Variants in UGGT2 observed in about 807,000 individuals in gnomAD.
The protein encoded by UGGT2 is UDP-glucose glycoprotein glucosyltransferase 2.
In UGGT2, 180 loss-of-function variants were observed where a neutral mutation model predicts 192.1. The observed-to-expected ratio is 0.94, with a 90% confidence interval of 0.83 to 1.06. The LOEUF (loss-of-function observed/expected upper bound fraction) is 1.06, where lower values mean the gene tolerates loss of function less well. UGGT2 is among the 50% of genes least tolerant of loss of function. The pLI is 0.00. For synonymous variants in UGGT2, 580 were observed against 591.0 expected (o/e 0.98, Z 0.27); for missense variants, 1,849 against 1,795.7 (o/e 1.03, Z -0.54).
chr13:95,936,550 C>G (rs1423052487), intron 17 of UGGT2, among the ~76,000 whole-genome samples: 1 of 152,238 alleles, frequency 6.6e-6, no homozygotes, highest in Non-Finnish European at 1.5e-5. Context: ...CAAGCACCAA[C>G]ACTGAGGGAG....
chr13:95,992,378 T>C (rs2051485492), intron 7 of UGGT2, among the ~76,000 whole-genome samples: 1 of 152,220 alleles, frequency 6.6e-6, no homozygotes, highest in Non-Finnish European at 1.5e-5. Flanking sequence ...CAGCAGTGTT[T>C]TGTAGTTCTT....
intron 1 of UGGT2, among the ~76,000 whole-genome samples, chr13:96,034,921 G>C (rs1184203336): frequency 6.6e-6 from 1 of 152,200 alleles, no homozygotes; most frequent in African/African-American, 2.4e-5. Context: ...AGCATAGCCT[G>C]CCAGGCCGAG....
At chr13:95,852,085 A>T (rs1248799616) in intron 36 of UGGT2, among the ~76,000 whole-genome samples, 1 of 152,188 alleles carries the variant, frequency 6.6e-6, no homozygotes, top group Non-Finnish European at 1.5e-5. Context: ...AAGAATGATT[A>T]AAAAAATCAA....
intron 7 of UGGT2, chr13:95,990,370 T>C (rs2140897547): frequency 6.0e-6 from 1 of 167,256 alleles, no homozygotes; most frequent in Middle Eastern, 2.7e-3. Flanking sequence ...GTTTTCATAT[T>C]ACATACTTTT....
intron 17 of UGGT2, among the ~76,000 whole-genome samples, chr13:95,928,513 G>A (rs2049122071): frequency 6.6e-6 from 1 of 151,886 alleles, no homozygotes; most frequent in Non-Finnish European, 1.5e-5. Flanking sequence ...TCACCTCTCA[G>A]ACGGGGTGGT....
At position 95,833,044 on chromosome 13, in the gene UGGT2, G is replaced by A. The variant is rs1229018746; in HGVS notation, c.4411C>T (p.Pro1471Ser). 6.2e-7 allele frequency: 1 copy of A among 1,611,810 alleles called. No homozygotes were observed. The highest frequency in any genetic ancestry group is 1.3e-5 in the African/African-American group (1 of 74,910). Residue 1471 changes from proline to serine, a missense_variant, in exon 38 of 39, where the codon CCC (proline) becomes TCC (serine). Transcript: ENST00000376747. ...TTTAGTTTGGATTCTTTTGTTTTGGGATTATTGCACTAAAAGTTTAAGTAA... is the reference window on the plus strand; with the variant it reads ...TTTAGTTTGGATTCTTTTGTTTTGGAATTATTGCACTAAAAGTTTAAGTAA... ...RAKTIDLCNN[P>S]KTKESKLKAA...
chr13:95,847,721 T>C (rs1022231179), intron 36 of UGGT2, among the ~76,000 whole-genome samples: 5 of 152,238 alleles, frequency 3.3e-5, no homozygotes, highest in Non-Finnish European at 5.9e-5. Context: ...GACATCTTGG[T>C]TGGCTGCATA....
At chr13:95,900,680 T>A in intron 22 of UGGT2, 127 bp downstream of exon 22, 1 of 940,904 alleles carries the variant, frequency 1.1e-6, no homozygotes, top group Middle Eastern at 2.3e-4. Context: ...TTGTGTCTGG[T>A]GTCTTCAGCT....
intron 36 of UGGT2, among the ~76,000 whole-genome samples, chr13:95,837,884 A>T (rs1186000339): frequency 2.7e-5 from 4 of 150,220 alleles, no homozygotes; most frequent in Admixed American, 6.7e-5. Flanking sequence ...TGGTTGTCCT[A>T]CATAAGCTCC....
chr13:95,922,274 G>A (rs1594334638), intron 20 of UGGT2, among the ~76,000 whole-genome samples: 2 of 152,284 alleles, frequency 1.3e-5, no homozygotes, highest in South Asian at 2.1e-4. Context: ...ACACAAATAT[G>A]GGAGTAGACA....
intron 20 of UGGT2, among the ~76,000 whole-genome samples, chr13:95,906,351 C>T (rs996292959): frequency 6.6e-6 from 1 of 152,134 alleles, no homozygotes. Flanking sequence ...TTATATGTGG[C>T]TATGTATGTA....
At chr13:95,853,488 G>A (rs1166758392) in intron 36 of UGGT2, 55 bp downstream of exon 36, 11 of 1,421,670 alleles carry the variant, frequency 7.7e-6, no homozygotes, top group Admixed American at 3.9e-5. Context: ...TGAGCACGGA[G>A]TTGGAACAGT....
intron 5 of UGGT2, among the ~76,000 whole-genome samples, chr13:96,008,998 A>G (rs1418911654): frequency 6.6e-6 from 1 of 152,248 alleles, no homozygotes. Flanking sequence ...ACAGACATAC[A>G]GAGCAACAGA....
intron 22 of UGGT2, 46 bp from the exon 23 acceptor site, chr13:95,895,350 T>A (rs1287130137): frequency 1.7e-6 from 2 of 1,185,816 alleles, no homozygotes; most frequent in African/African-American, 3.2e-5. Context: ...CTAGAAGATA[T>A]CAGTTTAGGA....
intron 38 of UGGT2, among the ~76,000 whole-genome samples, chr13:95,810,678 G>A (rs1884536624): frequency 6.6e-6 from 1 of 152,126 alleles, no homozygotes; most frequent in African/African-American, 2.4e-5. Context: ...AGGTGGACCT[G>A]TGCGGTTCAA....
At chr13:95,843,795 T>C (rs1372975943) in intron 36 of UGGT2, among the ~76,000 whole-genome samples, 1 of 152,128 alleles carries the variant, frequency 6.6e-6, no homozygotes, top group Non-Finnish European at 1.5e-5. Context: ...GGTCTATTTC[T>C]GGGTTCTTTA....
intron 20 of UGGT2, 61 bp from the exon 21 acceptor site, chr13:95,903,121 A>C: frequency 6.7e-7 from 1 of 1,499,528 alleles, no homozygotes; most frequent in Non-Finnish European, 9.0e-7. Context: ...ACAGGTGAAT[A>C]TATTTTCTTT....
chr13:95,934,402 TC>T (rs1192083569), intron 17 of UGGT2, among the ~76,000 whole-genome samples: 1 of 152,228 alleles, frequency 6.6e-6, no homozygotes, highest in African/African-American at 2.4e-5. Flanking sequence ...TCCATTTAAG[TC>T]CAGAATTTGT....
chr13:95,844,826 C>A (rs1197555641), intron 36 of UGGT2, among the ~76,000 whole-genome samples: 1 of 152,072 alleles, frequency 6.6e-6, no homozygotes, highest in Non-Finnish European at 1.5e-5. Flanking sequence ...CAGTACAATA[C>A]TGAATAGGAA....
Sources: gnomAD v4.1 joint callset for allele counts (sites outside exome capture counted in the v4.1 genomes callset) on GRCh38, gnomAD v4.1.1 for gene constraint, MANE v1.5 for transcripts, NCBI Gene and HGNC (gene_info 2026-07-23, HGNC 2026-07-21) for gene names.